Variants in SRP19 observed in about 807,000 individuals in gnomAD.
The protein encoded by SRP19 is signal recognition particle 19 kDa protein.
In SRP19, 11 loss-of-function variants were observed where a neutral mutation model predicts 22.4. The observed-to-expected ratio is 0.49, with a 90% CI of 0.31 to 0.81. The LOEUF is 0.81. Among genes scored for constraint, SRP19 ranks in the 40% least tolerant of loss-of-function variants. The pLI, the probability that SRP19 is intolerant of heterozygous loss-of-function variation, is 0.05. For missense variants in SRP19, 168 were observed against 175.9 expected, an observed-to-expected ratio of 0.96 and a Z score of 0.25; for synonymous variants, 61 against 57.6, an observed-to-expected ratio of 1.06 and a Z score of -0.27.
At chr5:112,875,220 A>G (rs1471984951) in intron 4 of SRP19, among the ~76,000 whole-genome samples, 8 of 152,228 alleles carry the variant, frequency 5.3e-5, no homozygotes, top group African/African-American at 1.9e-4. Context: ...GCCATGCTAT[A>G]TAGAACTGTA....
At chr5:112,874,058 C>T (rs777134558), downstream of SRP19, among the ~76,000 whole-genome samples, 10 of 152,040 alleles carry the variant, frequency 6.6e-5, no homozygotes, top group Non-Finnish European at 1.3e-4. Context: ...TCTAGCTACT[C>T]TGGAGGCTGA....
Position 112,867,764 on chromosome 5 carries a change from GT to G in SRP19, c.*233del, listed in dbSNP as rs567261106. 9.1e-4 allele frequency: 1,121 copies of G among 1,237,794 alleles called. 6 individuals carry two copies. In the African/African-American group the frequency reaches 0.016, roughly 17 times the overall value. 76.7% of individuals were successfully genotyped at this position (1,237,794 alleles called of 1,614,324 possible). A position where few individuals can be genotyped will look rare whatever the true frequency, so the allele number is the denominator to read the frequency against. ...AAGAATTTTTTTGTCTTTCAATGCA[GT>G]TTTTTGGAAGAAAATATTTTTAAAT... On this transcript the variant is annotated 3_prime_UTR_variant, in exon 5 of 5. Coordinates refer to ENST00000505459, the MANE Select transcript of SRP19 (RefSeq NM_003135.3).
intron 4 of SRP19, among the ~76,000 whole-genome samples, chr5:112,889,846 A>G (rs971438785): frequency 2.3e-5 from 3 of 128,930 alleles, no homozygotes; most frequent in African/African-American, 9.6e-5. Flanking sequence ...TTTTTTTTTG[A>G]GACTGATTCT....
chr5:112,891,443 C>T (rs540236642), intron 4 of SRP19, among the ~76,000 whole-genome samples: 1 of 151,694 alleles, frequency 6.6e-6, no homozygotes, highest in Non-Finnish European at 1.5e-5. Context: ...TACTTAATTA[C>T]AAAAAAAGTC....
intron 4 of SRP19, among the ~76,000 whole-genome samples, chr5:112,880,506 T>TTG (rs1768038638): frequency 1.3e-5 from 2 of 152,188 alleles, no homozygotes; most frequent in South Asian, 4.1e-4. Context: ...TGCTCTCCCT[T>TTG]TGCTCAGTTA....
At chr5:112,897,351 T>TCACACACACACACACACA (rs34612314), downstream of SRP19, 2 of 97,790 alleles carry the variant, frequency 2.0e-5, no homozygotes, top group Non-Finnish European at 4.2e-5. Flanking sequence ...ACACATCCCA[T>TCACACACACACACACACA]CACACACACA....
intron 4 of SRP19, among the ~76,000 whole-genome samples, chr5:112,884,321 G>A (rs556381570): frequency 3.4e-4 from 51 of 151,492 alleles, no homozygotes; most frequent in Admixed American, 7.2e-4. Context: ...TCCCACCTCC[G>A]GACTTCTGTA....
intron 4 of SRP19, chr5:112,891,520 C>A: frequency 1.4e-6 from 2 of 1,401,320 alleles, no homozygotes; most frequent in Non-Finnish European, 2.0e-6. Flanking sequence ...GCAAACAAAA[C>A]AATACTAGAA....
intron 4 of SRP19, among the ~76,000 whole-genome samples, chr5:112,866,231 C>T (rs147961350): frequency 0.012 from 1,871 of 152,118 alleles, 17 homozygotes; most frequent in Non-Finnish European, 0.017. Context: ...ATTCTCCTGC[C>T]TCAGCCGTCT....
chr5:112,892,280 T>A (rs1317976252), exon 5 of SRP19: 1 of 1,613,950 alleles, frequency 6.2e-7, no homozygotes, highest in Non-Finnish European at 8.5e-7. Flanking sequence ...TTTACAACGT[T>A]TGGAATGGAG....
intron 4 of SRP19, among the ~76,000 whole-genome samples, chr5:112,865,948 A>T (rs897300832): frequency 6.6e-6 from 1 of 152,128 alleles, no homozygotes; most frequent in East Asian, 1.9e-4. Context: ...GCTAGTCTCA[A>T]ACTCAAGCAA....
Position 112,868,168 on chromosome 5 carries a change from T to C in SRP19, c.*631T>C. On this transcript the variant is annotated 3_prime_UTR_variant, in exon 5 of 5. Coordinates refer to ENST00000505459, the MANE Select transcript of SRP19 (RefSeq NM_003135.3). ...CTTTAAATTTGCTTATTTTGTAGGTTTAAGAACATGATTTTCATGGGAGTT... is the reference window on the plus strand; with the variant it reads ...CTTTAAATTTGCTTATTTTGTAGGTCTAAGAACATGATTTTCATGGGAGTT... 1.0e-6 allele frequency: 1 copy of C among 985,488 alleles called. No individual in the cohort carries two copies. The highest frequency in any genetic ancestry group is 1.2e-6 in the Non-Finnish European group (1 of 829,952). The allele number at this position is 985,488 out of a possible 1,614,324, so 61.0% of individuals were successfully genotyped here.
At chr5:112,872,990 CCT>C (rs1767789791), downstream of SRP19, among the ~76,000 whole-genome samples, 1 of 151,854 alleles carries the variant, frequency 6.6e-6, no homozygotes. Flanking sequence ...GGTCTTCTGA[CCT>C]CTTGTAGCTG....
Position 112,867,402 on chromosome 5 carries a change from A to C in SRP19, c.302-2A>C. On this transcript the variant is annotated splice_acceptor_variant, in intron 4 of 4. Coordinates refer to ENST00000505459, the MANE Select transcript of SRP19 (RefSeq NM_003135.3). LOFTEE classifies it high-confidence loss of function. Reference sequence around the variant, plus strand: ...ACACTAAGCCTAACTTCTGGTTCCTAGGTAAGTCAGTAATGTTGTATGCAG... The same window carrying C: ...ACACTAAGCCTAACTTCTGGTTCCTCGGTAAGTCAGTAATGTTGTATGCAG... 1 of 1,610,956 alleles carries C rather than the reference A, an allele frequency of 6.2e-7. No homozygotes were observed. The highest frequency in any genetic ancestry group is 8.5e-7 in the Non-Finnish European group (1 of 1,178,042).
intron 1 of SRP19, 83 bp downstream of exon 1, chr5:112,861,500 C>G (rs922513974): frequency 2.0e-5 from 29 of 1,483,586 alleles, no homozygotes; most frequent in Non-Finnish European, 2.6e-5. Context: ...CTCCGCTCCG[C>G]GGCCTCCAGA....
At chr5:112,863,699 C>G (rs1434242524) in intron 2 of SRP19, among the ~76,000 whole-genome samples, 4 of 152,086 alleles carry the variant, frequency 2.6e-5, no homozygotes, top group Non-Finnish European at 5.9e-5. Context: ...GGGTCTGGCT[C>G]TGTCACCCAG....
chr5:112,884,788 C>A lies in SRP19; in HGVS notation c.302-6815C>A, dbSNP rs551421569. 3.4e-4 allele frequency among the ~76,000 whole-genome samples: 51 copies of A among 148,424 alleles called. 1 individual carries two copies. The highest frequency in any genetic ancestry group is 1.1e-3 in the African/African-American group (44 of 39,458). On this transcript the variant is annotated intron_variant, in intron 4 of 4. Transcript: ENST00000391338. ...ATCCCTCCAGTCCTTGGCCCCCCCC[C>A]ATCTTTCTACTTGCTTTATTTTTTC...
chr5:112,862,431 T>C (rs116245084), intron 1 of SRP19, 77 bp from the exon 2 acceptor site: 21,141 of 1,274,966 alleles, frequency 0.017, 358 homozygotes, highest in African/African-American at 0.082. Context: ...AATTGGCCTT[T>C]GGTTCCCTGC....
downstream of SRP19, among the ~76,000 whole-genome samples, chr5:112,872,066 G>C (rs1363291881): frequency 2.0e-5 from 3 of 152,164 alleles, no homozygotes; most frequent in African/African-American, 7.2e-5. Context: ...TAGAAGAAGA[G>C]GATTTAGTTT....
Sources: allele counts gnomAD v4.1 joint callset (sites outside exome capture counted in the v4.1 genomes callset), GRCh38; gene constraint gnomAD v4.1.1; transcripts MANE v1.5; gene names NCBI Gene and HGNC (gene_info 2026-07-23, HGNC 2026-07-21).